CNTNAP4: variants seen among roughly 807,000 people sequenced by gnomAD.
The protein encoded by CNTNAP4 is contactin associated protein family member 4.
A neutral mutation model predicts 148.4 loss-of-function variants in CNTNAP4; 98 were observed. The ratio of observed to expected loss-of-function variants is 0.66; its 90% CI spans 0.56 to 0.78. The LOEUF (loss-of-function observed/expected upper bound fraction) is 0.78. Among genes scored for constraint, CNTNAP4 ranks in the 30% least tolerant of loss-of-function variants. The probability of loss-of-function intolerance (pLI) is 0.00; values close to 1 mark genes in which losing one functional copy is unlikely to be tolerated. For missense variants in CNTNAP4, 1,935 were observed against 1,565.6 expected (o/e 1.24, Z -3.98); for synonymous variants, 730 against 565.1 (o/e 1.29, Z -4.14).
At chr16:76,454,128 TTC>T (rs2143279659) in intron 8 of CNTNAP4, among the ~76,000 whole-genome samples, 1 of 151,248 alleles carries the variant, frequency 6.6e-6, no homozygotes, top group Non-Finnish European at 1.5e-5. Flanking sequence ...TTTTTTTTTT[TTC>T]TGAGATGGAG....
rs560578426 is a variant in CNTNAP4, at chr16:76,365,050, C to T, written c.390+9539C>T. On this transcript the variant is annotated intron_variant, in intron 3 of 23. Transcript: ENST00000611870. Reference sequence around the variant, plus strand: ...TTAATCCATCTTGAGTTAATTTTTGCATAAGGTGTGAGGAAGGGATTCAGT... The same window carrying T: ...TTAATCCATCTTGAGTTAATTTTTGTATAAGGTGTGAGGAAGGGATTCAGT... Among the ~76,000 whole-genome samples, 117 of 152,226 alleles carry T rather than the reference C, an allele frequency of 7.7e-4. No individual in the cohort carries two copies. In the South Asian group the frequency reaches 7.9e-3, roughly 10 times the overall value.
At chr16:76,346,136 C>G (rs549633059) in intron 2 of CNTNAP4, among the ~76,000 whole-genome samples, 6 of 152,240 alleles carry the variant, frequency 3.9e-5, no homozygotes, top group Non-Finnish European at 8.8e-5. Flanking sequence ...TCAACAAATA[C>G]TTAAGCCCAG....
chr16:76,514,770 C>G (rs138423725), intron 15 of CNTNAP4, among the ~76,000 whole-genome samples: 2 of 151,986 alleles, frequency 1.3e-5, no homozygotes, highest in Non-Finnish European at 2.9e-5. Context: ...AAAGAGGAAC[C>G]AGTGAATTAT....
At chr16:76,454,663 T>G (rs1209559390) in intron 8 of CNTNAP4, among the ~76,000 whole-genome samples, 2 of 152,196 alleles carry the variant, frequency 1.3e-5, no homozygotes, top group Non-Finnish European at 2.9e-5. Context: ...GAAAATAGAC[T>G]ATTTAAATGG....
intron 3 of CNTNAP4, among the ~76,000 whole-genome samples, chr16:76,421,725 G>T (rs1324845299): frequency 6.6e-6 from 1 of 152,090 alleles, no homozygotes; most frequent in Non-Finnish European, 1.5e-5. Context: ...CTTGAAAATA[G>T]GTCATGTGTA....
rs368613409 is a variant in CNTNAP4 at position 76,351,887 on chromosome 16, C to T, written c.197-3431C>T. Among the ~76,000 whole-genome samples, 88 of 152,248 alleles carry T rather than the reference C, an allele frequency of 5.8e-4. 2 individuals carry two copies. In the South Asian group the frequency reaches 0.015, roughly 27 times the overall value. On this transcript the variant is annotated intron_variant, in intron 2 of 23. Coordinates refer to ENST00000611870, the MANE Select transcript of CNTNAP4 (RefSeq NM_033401.5). ...TCTTGCTGCATTGCTGTCATGTGTT[C>T]GCTTTTTAAAATACTGGCCTGTAGA...
At chr16:76,487,827 A>T (rs944095795) in intron 12 of CNTNAP4, among the ~76,000 whole-genome samples, 9 of 152,198 alleles carry the variant, frequency 5.9e-5, no homozygotes, top group African/African-American at 1.9e-4. Context: ...GTTGCCATGC[A>T]CTATGGCCTT....
At chr16:76,317,820 G>A (rs774905318) in intron 2 of CNTNAP4, among the ~76,000 whole-genome samples, 2 of 151,956 alleles carry the variant, frequency 1.3e-5, no homozygotes, top group Admixed American at 6.6e-5. Context: ...ATGATTTTAA[G>A]CTTAAGTTTA....
At chr16:76,493,058 A>G (rs563483213) in intron 13 of CNTNAP4, among the ~76,000 whole-genome samples, 9 of 152,090 alleles carry the variant, frequency 5.9e-5, no homozygotes, top group Middle Eastern at 3.2e-3. Context: ...ATGGAACATG[A>G]CTAAATACAG....
At chr16:76,396,702 G>A (rs1421500909) in intron 3 of CNTNAP4, among the ~76,000 whole-genome samples, 2 of 152,158 alleles carry the variant, frequency 1.3e-5, no homozygotes, top group Non-Finnish European at 2.9e-5. Context: ...ATCTTTGTCA[G>A]CATCCTTCAC....
At chr16:76,489,549 A>C in intron 12 of CNTNAP4, 137 bp from the exon 13 acceptor site, 1 of 448,242 alleles carries the variant, frequency 2.2e-6, no homozygotes, top group Non-Finnish European at 3.9e-6. Flanking sequence ...ATTTGTGTTG[A>C]TTCTACCTCT....
chr16:76,512,515 G>A (rs925145444), intron 15 of CNTNAP4, among the ~76,000 whole-genome samples: 2 of 152,164 alleles, frequency 1.3e-5, no homozygotes, highest in African/African-American at 4.8e-5. Context: ...CAATTAGAGG[G>A]AAAGAACTGG....
intron 1 of CNTNAP4, among the ~76,000 whole-genome samples, chr16:76,293,380 G>C (rs1473784520): frequency 1.3e-5 from 2 of 152,054 alleles, no homozygotes; most frequent in African/African-American, 4.8e-5. Context: ...CTATTCACAA[G>C]CACCTTTAAG....
At chr16:76,392,552 C>T (rs962442802) in intron 3 of CNTNAP4, among the ~76,000 whole-genome samples, 4 of 152,098 alleles carry the variant, frequency 2.6e-5, no homozygotes, top group Non-Finnish European at 4.4e-5. Context: ...GATTGGAACA[C>T]GTTCTTGAGG....
At chr16:76,539,294 A>G (rs898082384) in intron 19 of CNTNAP4, among the ~76,000 whole-genome samples, 12 of 152,030 alleles carry the variant, frequency 7.9e-5, no homozygotes, top group African/African-American at 2.9e-4. Flanking sequence ...CTCTTTAGTA[A>G]AACTACATTT....
Position 76,535,483 on chromosome 16 carries a change from G to A in CNTNAP4, c.2756-62G>A, listed in dbSNP as rs1398776801. On this transcript the variant is annotated intron_variant, in intron 17 of 23. Transcript: ENST00000611870. ...CTCTGTAAGGCCTCAGTTTTGTTTG[G>A]TCTTTAAACCCTGAATAAAACACCT... is the stretch of plus-strand genomic sequence containing the variant. 1.2e-5 allele frequency: 19 copies of A among 1,572,448 alleles called. No individual in the cohort carries two copies. In the Admixed American group the frequency reaches 3.3e-4, roughly 27 times the overall value.
At chr16:76,478,867 G>T (rs551601137) in intron 11 of CNTNAP4, among the ~76,000 whole-genome samples, 1 of 152,144 alleles carries the variant, frequency 6.6e-6, no homozygotes, top group African/African-American at 2.4e-5. Context: ...AATTATTGAT[G>T]AGCTTTGTGA....
chr16:76,437,765 T>C (rs1054959820), intron 4 of CNTNAP4, among the ~76,000 whole-genome samples: 26 of 152,070 alleles, frequency 1.7e-4, no homozygotes, highest in Admixed American at 1.6e-3. Flanking sequence ...TTAAATATTT[T>C]AGGTAATAAA....
At chr16:76,498,020 C>A (rs1354559621) in intron 14 of CNTNAP4, among the ~76,000 whole-genome samples, 2 of 152,150 alleles carry the variant, frequency 1.3e-5, no homozygotes, top group East Asian at 3.8e-4. Flanking sequence ...TAAAAAATCT[C>A]CAACTGTGTT....
Sources: allele counts gnomAD v4.1 joint callset (sites outside exome capture counted in the v4.1 genomes callset), GRCh38; gene constraint gnomAD v4.1.1; transcripts MANE v1.5; gene names NCBI Gene and HGNC (gene_info 2026-07-23, HGNC 2026-07-21).